Variants in C2CD4A observed in about 807,000 individuals in gnomAD.
C2CD4A encodes the protein C2 calcium dependent domain containing 4A.
A neutral mutation model predicts 0.4 loss-of-function variants in C2CD4A; 2 were observed. The observed-to-expected ratio is 4.45, with a 90% CI of 1.82 to 13.99. C2CD4A has a LOEUF of 13.99. Ranked by LOEUF, C2CD4A falls within the 30% of genes most tolerant of loss-of-function variation. The pLI is 0.04. For missense variants in C2CD4A, 610 were observed against 574.2 expected (o/e 1.06, Z -0.64); for synonymous variants, 297 against 280.8 (o/e 1.06, Z -0.58).
At position 62,067,574 on chromosome 15, in the gene C2CD4A, G is replaced by A; in HGVS notation, c.-29-11G>A. The stretch of plus-strand genomic sequence containing the variant: ...TCGCTCTGACGATCCTTGTGCCTTT[G>A]TGCACTGCAGGTAGACAAGCTCCAG... On this transcript the variant is annotated splice_polypyrimidine_tract_variant and intron_variant, in intron 1 of 1. Coordinates refer to ENST00000355522, the MANE Select transcript of C2CD4A (RefSeq NM_207322.3). 6.5e-7 allele frequency: 1 copy of A among 1,544,738 alleles called. No homozygotes were observed. Among genetic ancestry groups the A allele is most frequent in the Non-Finnish European group, 8.7e-7 (1 of 1,147,770 alleles).
Position 62,067,627 on chromosome 15 carries a change from A to G in C2CD4A, c.14A>G (p.Glu5Gly). Residue 5 changes from glutamate to glycine, a missense_variant, in exon 2 of 2, where the codon GAG becomes GGG. Physicochemically the swap from Glu to Gly is moderately conservative, Grantham distance 98. Coordinates refer to ENST00000355522, the MANE Select transcript of C2CD4A (RefSeq NM_207322.3). ...GAGAGTGGCCAGATGTGGTGCCTGG[A>G]GCGACTCCGCTTGGGTCCTGAGTGC... MWCL[E>G]RLRLGPECLR... The G allele has an allele frequency of 6.3e-7, 1 of 1,594,052 alleles. No individual in the cohort carries two copies. The highest frequency in any genetic ancestry group is 8.5e-7 in the Non-Finnish European group (1 of 1,173,650).
In C2CD4A at chr15:62,068,066, G is replaced by A. The variant is rs1325693167; in HGVS notation, c.453G>A (p.Pro151=). ...CCCTCCTGGGGACCCTGCGCGTCCC[G>A]CGAGCTCCGGGCCCGGCGACCCCCG... ...PDALLGTLRV[P]RAPGPATPAA... Residue 151 remains proline (P), a synonymous_variant, in exon 2 of 2, where the codon CCG becomes CCA. Transcript: ENST00000355522. The A allele has an allele frequency of 1.8e-5, 21 of 1,166,586 alleles. No homozygotes were observed. Among genetic ancestry groups the A allele is most frequent in the Middle Eastern group, 3.5e-4 (1 of 2,860 alleles). The allele number at this position is 1,166,586 out of a possible 1,614,324, so 72.3% of individuals were successfully genotyped here.
Position 62,067,948 on chromosome 15 carries a change from C to A in C2CD4A, c.335C>A (p.Pro112Gln), listed in dbSNP as rs1339928946. Residue 112 changes from proline to glutamine, a missense_variant, in exon 2 of 2, where the codon CCG becomes CAG. By Grantham distance (76) the Pro-to-Gln change is moderately conservative (BLOSUM62 -1). Coordinates refer to ENST00000355522, the MANE Select transcript of C2CD4A (RefSeq NM_207322.3). ...AYGFCALLES[P>Q]HTRRKESLLL... is the part of the protein sequence containing the mutation. Reference sequence around the variant, plus strand: ...GGCTTCTGCGCGCTGCTCGAGAGCCCGCACACGCGCCGCAAGGAGTCGCTC... The same window carrying A: ...GGCTTCTGCGCGCTGCTCGAGAGCCAGCACACGCGCCGCAAGGAGTCGCTC... 2.6e-6 allele frequency: 4 copies of A among 1,548,716 alleles called. No homozygotes were observed. The highest frequency in any genetic ancestry group is 3.5e-6 in the Non-Finnish European group (4 of 1,155,686).
In C2CD4A at chr15:62,067,774, G is replaced by C. The variant is rs762169097; in HGVS notation, c.161G>C (p.Arg54Pro). Reference sequence around the variant, plus strand: ...ATCCCTGAGTTCTGCATCCCGCCACGGCTCATGCCCCGCCTGGCCTTGGCT... The same window carrying C: ...ATCCCTGAGTTCTGCATCCCGCCACCGCTCATGCCCCGCCTGGCCTTGGCT... ...DRIPEFCIPP[R>P]LMPRLALAAL... Residue 54 changes from arginine to proline, a missense_variant, in exon 2 of 2, where the codon CGG (arginine) becomes CCG (proline). By Grantham distance (103) the Arg-to-Pro change is moderately radical. Transcript: ENST00000355522. 10 of 1,612,966 alleles carry C rather than the reference G, an allele frequency of 6.2e-6. No homozygotes were observed. Among genetic ancestry groups the C allele is most frequent in the Admixed American group, 5.0e-5 (3 of 59,998 alleles).
In C2CD4A at chr15:62,067,628, G is replaced by A. The variant is rs2049052881; in HGVS notation, c.15G>A (p.Glu5=). The A allele has an allele frequency of 1.3e-6, 2 of 1,594,522 alleles. No homozygotes were observed. Among genetic ancestry groups the A allele is most frequent in the African/African-American group, 2.7e-5 (2 of 74,802 alleles). The change falls in exon 2 of 2, where the codon GAG becomes GAA. Residue 5 remains glutamate, a synonymous_variant. Coordinates refer to ENST00000355522, the MANE Select transcript of C2CD4A (RefSeq NM_207322.3). MWCL[E]RLRLGPECLR... ...AGAGTGGCCAGATGTGGTGCCTGGA[G>A]CGACTCCGCTTGGGTCCTGAGTGCC... is the stretch of plus-strand genomic sequence containing the variant.
In C2CD4A at chr15:62,068,109, C is replaced by A; in HGVS notation, c.496C>A (p.Arg166Ser). The change falls in exon 2 of 2, where the codon CGC becomes AGC. Residue 166 changes from arginine (R) to serine (S), a missense_variant. Coordinates refer to ENST00000355522, the MANE Select transcript of C2CD4A (RefSeq NM_207322.3). ...PATPAAPGCP[R>S]PPQDALARRP... ...GACCCCCGCGGCCCCCGGCTGTCCC[C>A]GCCCGCCCCAGGACGCGCTCGCCCG... The A allele has an allele frequency of 8.6e-7, 1 of 1,159,436 alleles. No individual in the cohort carries two copies. 71.8% of individuals were successfully genotyped at this position (1,159,436 alleles called of 1,614,324 possible).
Position 62,068,221 on chromosome 15 carries a change from G to T in C2CD4A, c.608G>T (p.Arg203Leu). 1 of 1,369,186 alleles carries T rather than the reference G, an allele frequency of 7.3e-7. No individual in the cohort carries two copies. Among genetic ancestry groups the T allele is most frequent in the Non-Finnish European group, 9.4e-7 (1 of 1,059,586 alleles). The allele number at this position is 1,369,186 out of a possible 1,614,324, so 84.8% of individuals were successfully genotyped here. A position where few individuals can be genotyped will look rare whatever the true frequency, so the allele number is the denominator to read the frequency against. Reference protein sequence around the residue: ...LRAGRSRRLTRVRSVSSGNED... With the variant: ...LRAGRSRRLTLVRSVSSGNED... ...GCTGGGAGGAGTCGCCGCCTGACCCGCGTCCGCTCCGTCTCCAGCGGGAAC... is the reference window on the plus strand; with the variant it reads ...GCTGGGAGGAGTCGCCGCCTGACCCTCGTCCGCTCCGTCTCCAGCGGGAAC... Residue 203 changes from arginine (R) to leucine (L), a missense_variant, in exon 2 of 2, where the codon CGC becomes CTC. Arg to Leu is a moderately radical substitution (Grantham distance 102). Coordinates refer to ENST00000355522, the MANE Select transcript of C2CD4A (RefSeq NM_207322.3).
In C2CD4A at chr15:62,068,266, C is replaced by T; in HGVS notation, c.653C>T (p.Ala218Val). 1 of 1,374,946 alleles carries T rather than the reference C, an allele frequency of 7.3e-7. No individual in the cohort carries two copies. Among genetic ancestry groups the T allele is most frequent in the Non-Finnish European group, 9.4e-7 (1 of 1,065,884 alleles). The allele number at this position is 1,374,946 out of a possible 1,614,324, so 85.2% of individuals were successfully genotyped here. ...GGGAACGAGGACAAGGAGCGCCGCG[C>T]GGGCTCCCAGTCCCCGGCCCGGGCC... ...SSGNEDKERR[A>V]GSQSPARAPS... Residue 218 changes from alanine (A) to valine (V), a missense_variant, in exon 2 of 2, where the codon GCG becomes GTG. Ala to Val is a moderately conservative substitution (Grantham distance 64). Coordinates refer to ENST00000355522, the MANE Select transcript of C2CD4A (RefSeq NM_207322.3).
At chr15:62,067,425 T>A (rs1481554372) in intron 1 of C2CD4A, among the ~76,000 whole-genome samples, 160 bp from the exon 2 acceptor site, 1 of 152,108 alleles carries the variant, frequency 6.6e-6, no homozygotes, top group Non-Finnish European at 1.5e-5. Flanking sequence ...TTTCGCTCAC[T>A]GAAAAAATAG....
Position 62,068,016 on chromosome 15 carries a change from T to TACGGCG in C2CD4A, c.404_409dup (p.Gly136_Gly137insAspGly), listed in dbSNP as rs1419826072. 1.5e-6 allele frequency: 2 copies of TACGGCG among 1,291,380 alleles called. No individual in the cohort carries two copies. The highest frequency in any genetic ancestry group is 1.9e-6 in the Non-Finnish European group (2 of 1,028,954). 80.0% of individuals were successfully genotyped at this position (1,291,380 alleles called of 1,614,324 possible). A position where few individuals can be genotyped will look rare whatever the true frequency, so the allele number is the denominator to read the frequency against. ...CGCGCCCCGGCCCCGGGCCCACACC[T>TACGGCG]ACGGCGGCGGCGGCGGCCCGGACGC... On this transcript the variant is annotated inframe_insertion, in exon 2 of 2. Transcript: ENST00000355522.
Position 62,068,575 on chromosome 15 carries a change from A to G in C2CD4A, c.962A>G (p.Asp321Gly), listed in dbSNP as rs2049063162. The change falls in exon 2 of 2, where the codon GAC (aspartate) becomes GGC (glycine). Residue 321 changes from aspartate to glycine, a missense_variant. Physicochemically the swap from Asp to Gly is moderately conservative, Grantham distance 94. Transcript: ENST00000355522. ...GGGCGCAGCCGCAAGGCCTCCTTTG[A>G]CCAGGACTTCTGCTTCGACGGCCTC... ...VVGRSRKASF[D>G]QDFCFDGLSE... 1 of 1,573,154 alleles carries G rather than the reference A, an allele frequency of 6.4e-7. No homozygotes were observed. The highest frequency in any genetic ancestry group is 8.6e-7 in the Non-Finnish European group (1 of 1,159,596).
chr15:62,067,727 A>G lies in C2CD4A; in HGVS notation c.114A>G (p.Ala38=). ...GAKSRTTAAC[A]NVLTPDRIPE... is the part of the protein sequence containing the mutation. Reference sequence around the variant, plus strand: ...AGTCTCGCACCACCGCCGCGTGCGCAAATGTGCTCACTCCGGACCGCATCC... The same window carrying G: ...AGTCTCGCACCACCGCCGCGTGCGCGAATGTGCTCACTCCGGACCGCATCC... Residue 38 remains alanine, a synonymous_variant, in exon 2 of 2, where the codon GCA becomes GCG. Transcript: ENST00000355522. 6.2e-7 allele frequency: 1 copy of G among 1,612,208 alleles called. No homozygotes were observed.
At position 62,070,774 on chromosome 15, in the gene C2CD4A, C is replaced by A. The variant is rs1047831088; in HGVS notation, c.*2051C>A. On this transcript the variant is annotated 3_prime_UTR_variant, in exon 2 of 2. Coordinates refer to ENST00000355522, the MANE Select transcript of C2CD4A (RefSeq NM_207322.3). ...TCTATCATGTGCTCTTCTATCTAAT[C>A]AGTCAATATTTCCTTGGCCCTCAAG... 2 of 346,574 alleles carry A rather than the reference C, an allele frequency of 5.8e-6. No homozygotes were observed. The highest frequency in any genetic ancestry group is 1.1e-5 in the Non-Finnish European group (2 of 186,216). 21.5% of individuals were successfully genotyped at this position (346,574 alleles called of 1,614,324 possible).
At position 62,067,880 on chromosome 15, in the gene C2CD4A, C is replaced by A. The variant is rs779812960; in HGVS notation, c.267C>A (p.Ala89=). 24 of 1,604,280 alleles carry A rather than the reference C, an allele frequency of 1.5e-5. No individual in the cohort carries two copies. Among genetic ancestry groups the A allele is most frequent in the East Asian group, 8.9e-5 (4 of 44,718 alleles). Residue 89 remains alanine, a synonymous_variant, in exon 2 of 2, where the codon GCC becomes GCA. Transcript: ENST00000355522. Reference sequence around the variant, plus strand: ...CAGACTGGGACCCGCGCTCGCAGGCCGCGCTGTCACTGCCGCACCTGCCCC... The same window carrying A: ...CAGACTGGGACCCGCGCTCGCAGGCAGCGCTGTCACTGCCGCACCTGCCCC... ...GRTDWDPRSQ[A]ALSLPHLPRV...
chr15:62,068,091 G>A lies in C2CD4A; in HGVS notation c.478G>A (p.Ala160Thr), dbSNP rs1170297681. ...VPRAPGPATP[A>T]APGCPRPPQD... ...GCGAGCTCCGGGCCCGGCGACCCCC[G>A]CGGCCCCCGGCTGTCCCCGCCCGCC... The change falls in exon 2 of 2, where the codon GCG (alanine) becomes ACG (threonine). Residue 160 changes from alanine (A) to threonine (T), a missense_variant. Ala to Thr is a moderately conservative substitution (Grantham distance 58). Coordinates refer to ENST00000355522, the MANE Select transcript of C2CD4A (RefSeq NM_207322.3). 6.2e-6 allele frequency: 7 copies of A among 1,130,476 alleles called. No individual in the cohort carries two copies. The highest frequency in any genetic ancestry group is 7.6e-6 in the Non-Finnish European group (7 of 925,712). 70.0% of individuals were successfully genotyped at this position (1,130,476 alleles called of 1,614,324 possible). A position where few individuals can be genotyped will look rare whatever the true frequency, so the allele number is the denominator to read the frequency against.
chr15:62,070,464 G>A lies in C2CD4A; in HGVS notation c.*1741G>A, dbSNP rs147923935. ...ATTATAGGCGTGAGCCACCATGCCC[G>A]ACCAGTTTCTGCTTTTATTAAAATT... On this transcript the variant is annotated 3_prime_UTR_variant, in exon 2 of 2. Coordinates refer to ENST00000355522, the MANE Select transcript of C2CD4A (RefSeq NM_207322.3). 9.2e-4 allele frequency: 381 copies of A among 413,336 alleles called. 3 individuals are homozygous for A. The highest frequency in any genetic ancestry group is 7.2e-3 in the African/African-American group (349 of 48,704). The allele number at this position is 413,336 out of a possible 1,614,324, so 25.6% of individuals were successfully genotyped here.
rs780805063 is a variant in C2CD4A at position 62,067,808 on chromosome 15, G to C, written c.195G>C (p.Arg65=). 7.4e-6 allele frequency: 12 copies of C among 1,612,054 alleles called. No individual in the cohort carries two copies. The highest frequency in any genetic ancestry group is 1.0e-5 in the Non-Finnish European group (12 of 1,179,850). Reference sequence around the variant, plus strand: ...CCCGCCTGGCCTTGGCTGCGCTCCGGAATTCTTGGGTCGAAGAAGCAGGGA... The same window carrying C: ...CCCGCCTGGCCTTGGCTGCGCTCCGCAATTCTTGGGTCGAAGAAGCAGGGA... ...LMPRLALAAL[R]NSWVEEAGMD... is the part of the protein sequence containing the mutation. The change falls in exon 2 of 2, where the codon CGG becomes CGC. Residue 65 remains arginine (R), a synonymous_variant. Transcript: ENST00000355522.
In C2CD4A at chr15:62,068,329, C is replaced by T. The variant is rs761563339; in HGVS notation, c.716C>T (p.Pro239Leu). The change falls in exon 2 of 2, where the codon CCC becomes CTC. Residue 239 changes from proline (P) to leucine (L), a missense_variant. Physicochemically the swap from Pro to Leu is moderately conservative, Grantham distance 98. Coordinates refer to ENST00000355522, the MANE Select transcript of C2CD4A (RefSeq NM_207322.3). ...CCGCCGTCGTCCCGGGTCCCGTTTC[C>T]CGAGCGCCTGGAGGCCGAGGGCACC... ...TSPPSSRVPF[P>L]ERLEAEGTVA... 1.4e-6 allele frequency: 2 copies of T among 1,415,820 alleles called. No homozygotes were observed. The highest frequency in any genetic ancestry group is 9.2e-7 in the Non-Finnish European group (1 of 1,085,880). 87.7% of individuals were successfully genotyped at this position (1,415,820 alleles called of 1,614,324 possible).
Position 62,068,633 on chromosome 15 carries a change from A to C in C2CD4A, c.1020A>C (p.Arg340=), listed in dbSNP as rs566410628. 4.5e-6 allele frequency: 7 copies of C among 1,555,928 alleles called. No homozygotes were observed. Among genetic ancestry groups the C allele is most frequent in the African/African-American group, 4.1e-5 (3 of 73,626 alleles). The change falls in exon 2 of 2, where the codon CGA becomes CGC. Residue 340 remains arginine, a synonymous_variant. Transcript: ENST00000355522. ...ACGAAGTGCGCCGCCTGGCCGTTCGAGTCAAGGCCCGGGACGAGGGCCGCG... is the reference window on the plus strand; with the variant it reads ...ACGAAGTGCGCCGCCTGGCCGTTCGCGTCAAGGCCCGGGACGAGGGCCGCG... ...SEDEVRRLAV[R]VKARDEGRGR...
Sources: gnomAD v4.1 joint callset for allele counts (sites outside exome capture counted in the v4.1 genomes callset) on GRCh38, gnomAD v4.1.1 for gene constraint, MANE v1.5 for transcripts, NCBI Gene and HGNC (gene_info 2026-07-23, HGNC 2026-07-21) for gene names.